Variants in OCA2 observed in about 807,000 individuals in gnomAD.
OCA2 encodes OCA2 melanosomal transmembrane protein.
In OCA2, 77 loss-of-function variants were observed where a neutral mutation model predicts 100.2. The observed-to-expected ratio is 0.77, with a 90% confidence interval of 0.64 to 0.93. OCA2 has a LOEUF of 0.93. Among genes scored for constraint, OCA2 ranks in the 40% least tolerant of loss-of-function variants. The pLI is 0.00. For missense variants in OCA2, 1,062 were observed against 1,089.1 expected (o/e 0.98, Z 0.35); for synonymous variants, 432 against 439.2 (o/e 0.98, Z 0.21).
chr15:27,722,639 T>TTCCG, the OCA2 span, among the ~76,000 whole-genome samples: 1 of 145,504 alleles, frequency 6.9e-6, no homozygotes, highest in Non-Finnish European at 1.5e-5. Context: ...CTTCCTTTCC[T>TTCCG]TCCTTCCTTC....
chr15:27,840,706 A>G (rs558528513), intron 23 of OCA2, among the ~76,000 whole-genome samples: 3 of 152,336 alleles, frequency 2.0e-5, no homozygotes, highest in South Asian at 4.1e-4. Flanking sequence ...AGTGATATCC[A>G]TATGCAAAAA....
Position 27,830,698 on chromosome 15 carries a change from T to TA in OCA2, c.2432+14260dup, listed in dbSNP as rs546552517. Among the ~76,000 whole-genome samples, 428 of 152,266 alleles carry TA rather than the reference T, an allele frequency of 2.8e-3. 2 individuals are homozygous for TA. Among genetic ancestry groups the TA allele is most frequent in the Non-Finnish European group, 3.5e-3 (240 of 68,020 alleles). On this transcript the variant is annotated intron_variant, in intron 23 of 23. Coordinates refer to ENST00000354638, the MANE Select transcript of OCA2 (RefSeq NM_000275.3). Reference sequence around the variant, plus strand: ...CTGAGAGGGGAGATTTGATCACAGATACAAGGACAAGTGAAAAGCTTCAAG... The same window carrying TA: ...CTGAGAGGGGAGATTTGATCACAGATAACAAGGACAAGTGAAAAGCTTCAAG...
chr15:27,818,425 A>G (rs993225469), intron 23 of OCA2, among the ~76,000 whole-genome samples: 2 of 152,174 alleles, frequency 1.3e-5, no homozygotes, highest in African/African-American at 4.8e-5. Context: ...ATTAAATATC[A>G]TCTCTATCCT....
intron 23 of OCA2, 108 bp from the exon 24 acceptor site, chr15:27,755,580 A>C: frequency 1.3e-6 from 1 of 791,694 alleles, no homozygotes; most frequent in Non-Finnish European, 2.2e-6. Context: ...GCATTTTCAC[A>C]ATGGCCACTA....
intron 18 of OCA2, among the ~76,000 whole-genome samples, chr15:27,941,788 A>G (rs1567133875): frequency 6.6e-6 from 1 of 152,242 alleles, no homozygotes; most frequent in Non-Finnish European, 1.5e-5. Context: ...TCTTCATAGC[A>G]AAAGAAGGCT....
At chr15:27,765,575 A>G (rs1280044635) in intron 23 of OCA2, among the ~76,000 whole-genome samples, 1 of 152,252 alleles carries the variant, frequency 6.6e-6, no homozygotes, top group Non-Finnish European at 1.5e-5. Context: ...ACGTCTTTAG[A>G]TGAAAGAATC....
At chr15:27,785,164 G>T (rs975445541) in intron 23 of OCA2, among the ~76,000 whole-genome samples, 2 of 152,112 alleles carry the variant, frequency 1.3e-5, no homozygotes, top group Non-Finnish European at 2.9e-5. Context: ...AGGTGCTAGG[G>T]TGACACCTTT....
downstream of OCA2, among the ~76,000 whole-genome samples, chr15:27,754,665 C>T (rs113671800): frequency 7.7e-3 from 1,173 of 152,234 alleles, 15 homozygotes; most frequent in African/African-American, 0.027. Context: ...ATCGAGTGTA[C>T]GTCTGTGTAA....
At chr15:27,916,942 G>A (rs1037201876) in intron 19 of OCA2, among the ~76,000 whole-genome samples, 1 of 152,152 alleles carries the variant, frequency 6.6e-6, no homozygotes, top group African/African-American at 2.4e-5. Flanking sequence ...CCCTCAAAAT[G>A]TGGAAGAGGT....
chr15:28,059,687 T>C (rs1483210628), intron 2 of OCA2, among the ~76,000 whole-genome samples: 2 of 151,798 alleles, frequency 1.3e-5, no homozygotes, highest in Non-Finnish European at 2.9e-5. Flanking sequence ...TAAAGTCTTC[T>C]GCAGATTTTC....
chr15:27,942,238 A>G (rs1407176337), intron 18 of OCA2, among the ~76,000 whole-genome samples: 1 of 148,574 alleles, frequency 6.7e-6, no homozygotes, highest in East Asian at 1.9e-4. Flanking sequence ...TATATGATAT[A>G]CATACGATAT....
At chr15:28,093,899 A>G (rs1340927935) in intron 1 of OCA2, among the ~76,000 whole-genome samples, 1 of 152,168 alleles carries the variant, frequency 6.6e-6, no homozygotes, top group Non-Finnish European at 1.5e-5. Context: ...AGTTATATCA[A>G]TGGGGAACAG....
chr15:27,861,082 G>GT (rs2036112699), intron 21 of OCA2, among the ~76,000 whole-genome samples: 1 of 152,238 alleles, frequency 6.6e-6, no homozygotes, highest in Non-Finnish European at 1.5e-5. Flanking sequence ...TTTCCACTGT[G>GT]TGACAGCAGG....
chr15:27,871,716 G>C (rs999523586), intron 20 of OCA2, 147 bp downstream of exon 20: 1 of 683,880 alleles, frequency 1.5e-6, no homozygotes, highest in Non-Finnish European at 2.6e-6. Context: ...TCATCTCTGG[G>C]CTGCACAGGA....
chr15:27,771,436 C>CCG (rs2031851644), intron 23 of OCA2, among the ~76,000 whole-genome samples: 1 of 151,988 alleles, frequency 6.6e-6, no homozygotes, highest in Admixed American at 6.5e-5. Flanking sequence ...ATGGGCCGCC[C>CCG]CTCCGTGTGC....
intron 19 of OCA2, among the ~76,000 whole-genome samples, chr15:27,892,870 A>T (rs1445881011): frequency 6.6e-6 from 1 of 152,238 alleles, no homozygotes; most frequent in African/African-American, 2.4e-5. Flanking sequence ...CAGGAATGAA[A>T]TAGGAAATTT....
At chr15:27,850,915 T>C (rs2035724648) in intron 22 of OCA2, among the ~76,000 whole-genome samples, 1 of 152,092 alleles carries the variant, frequency 6.6e-6, no homozygotes, top group Non-Finnish European at 1.5e-5. Context: ...CTCTCTCTAA[T>C]CCACTCCTCA....
intron 23 of OCA2, among the ~76,000 whole-genome samples, chr15:27,805,305 A>G (rs548296538): frequency 2.0e-5 from 3 of 152,354 alleles, no homozygotes; most frequent in Non-Finnish European, 2.9e-5. Context: ...AGTAAATCGG[A>G]GGCGATAAGC....
chr15:27,765,837 C>T (rs1187801780), intron 23 of OCA2, among the ~76,000 whole-genome samples: 2 of 152,226 alleles, frequency 1.3e-5, no homozygotes, highest in Non-Finnish European at 2.9e-5. Context: ...TCAGAGGTCA[C>T]TCTCATCACC....
Sources: gnomAD v4.1 joint callset for allele counts (sites outside exome capture counted in the v4.1 genomes callset) on GRCh38, gnomAD v4.1.1 for gene constraint, MANE v1.5 for transcripts, NCBI Gene and HGNC (gene_info 2026-07-23, HGNC 2026-07-21) for gene names.